Variants in MYT1L observed in about 807,000 individuals in gnomAD.
MYT1L encodes myelin transcription factor 1 like.
In MYT1L, 12 loss-of-function variants were observed where a neutral mutation model predicts 126.7. The ratio of observed to expected loss-of-function variants is 0.09; its 90% CI spans 0.06 to 0.15. The LOEUF (loss-of-function observed/expected upper bound fraction) is 0.15, where lower values mean the gene tolerates loss of function less well. MYT1L is among the 10% of genes least tolerant of loss of function. MYT1L has a pLI of 1.00. For missense variants in MYT1L, 979 were observed against 1,585.2 expected, an observed-to-expected ratio of 0.62 and a Z score of 6.49; for synonymous variants, 541 against 604.2, an observed-to-expected ratio of 0.90 and a Z score of 1.53.
At position 2,008,855 on chromosome 2, in the gene MYT1L, T is replaced by A. The variant is rs549016762; in HGVS notation, c.-157-11508A>T. On this transcript the variant is annotated intron_variant, in intron 4 of 24. Transcript: ENST00000647738. ...GCATCCATTTTGAGTTATTATTATTTTTTTTAATGTATAAGACAAGGATCC... is the reference window on the plus strand; with the variant it reads ...GCATCCATTTTGAGTTATTATTATTATTTTTAATGTATAAGACAAGGATCC... Among the ~76,000 whole-genome samples, 4 of 152,292 alleles carry A rather than the reference T, an allele frequency of 2.6e-5. No homozygotes were observed. The South Asian group carries it at 6.2e-4, about 24-fold the overall frequency.
chr2:2,222,666 A>G (rs17039400), intron 2 of MYT1L, among the ~76,000 whole-genome samples: 6,782 of 152,230 alleles, frequency 0.045, 167 homozygotes, highest in Middle Eastern at 0.099. Flanking sequence ...GCTAAGATGT[A>G]AGATGGACTC....
intron 1 of MYT1L, among the ~76,000 whole-genome samples, chr2:2,292,393 A>G (rs1367858811): frequency 1.3e-5 from 2 of 152,226 alleles, no homozygotes; most frequent in Non-Finnish European, 2.9e-5. Context: ...TGCACAAAAG[A>G]CTTACGGTTG....
rs539232901 is a variant in MYT1L, at chr2:1,968,291, G to A, written c.152+10874C>T. Among the ~76,000 whole-genome samples, 701 of 152,304 alleles carry A rather than the reference G, an allele frequency of 4.6e-3. 8 individuals carry two copies. The highest frequency in any genetic ancestry group is 0.016 in the African/African-American group (674 of 41,554). On this transcript the variant is annotated intron_variant, in intron 8 of 24. Coordinates refer to ENST00000647738, the MANE Select transcript of MYT1L (RefSeq NM_001303052.2). Reference sequence around the variant, plus strand: ...GCTTCCCTTCCTGGCTCCCCAGAGCGTCTGCACTTCATTCAGAAGCGTGAG... The same window carrying A: ...GCTTCCCTTCCTGGCTCCCCAGAGCATCTGCACTTCATTCAGAAGCGTGAG...
At chr2:1,915,526 G>T (rs1011078973) in intron 11 of MYT1L, among the ~76,000 whole-genome samples, 4 of 152,212 alleles carry the variant, frequency 2.6e-5, no homozygotes, top group African/African-American at 9.6e-5. Flanking sequence ...CTACCTTGAA[G>T]GTGAAAATGT....
At chr2:2,004,272 GGCGTTCTTTCCTGCA>G (rs2062836391) in intron 4 of MYT1L, among the ~76,000 whole-genome samples, 2 of 36,740 alleles carry the variant, frequency 5.4e-5, no homozygotes, top group African/African-American at 2.5e-4. Context: ...CTTTCCTGCA[GGCGTTCTTTCCTGCA>G]TGCGTTCTTT....
chr2:1,952,798 TCTC>T (rs2057943278), intron 8 of MYT1L, among the ~76,000 whole-genome samples: 1 of 64,396 alleles, frequency 1.6e-5, no homozygotes, highest in African/African-American at 7.3e-5. Context: ...CTTCCCTCCT[TCTC>T]TCCCTCCCTC....
intron 21 of MYT1L, among the ~76,000 whole-genome samples, chr2:1,822,333 T>A (rs1368461709): frequency 6.6e-6 from 1 of 152,246 alleles, no homozygotes; most frequent in African/African-American, 2.4e-5. Flanking sequence ...GATTTCAGTC[T>A]GCAGAGCTTG....
At chr2:2,006,657 C>A (rs559544598) in intron 4 of MYT1L, among the ~76,000 whole-genome samples, 65 of 152,162 alleles carry the variant, frequency 4.3e-4, no homozygotes, top group African/African-American at 1.5e-3. Context: ...CTCACTGCAA[C>A]CTCTGCCTCC....
At chr2:1,828,025 G>C (rs1033216019) in intron 21 of MYT1L, 2 of 152,238 alleles carry the variant, frequency 1.3e-5, no homozygotes, top group African/African-American at 4.8e-5. Flanking sequence ...AGCAGCCCTG[G>C]AGCAGCCCCA....
At chr2:2,147,478 A>T (rs1222556099) in intron 3 of MYT1L, among the ~76,000 whole-genome samples, 7 of 152,220 alleles carry the variant, frequency 4.6e-5, no homozygotes, top group African/African-American at 7.2e-5. Flanking sequence ...CCATTCGGCT[A>T]TGTCCCAAGC....
intron 21 of MYT1L, among the ~76,000 whole-genome samples, chr2:1,837,890 T>TC (rs34923951): frequency 2.4e-4 from 12 of 50,368 alleles, no homozygotes; most frequent in East Asian, 2.3e-3. Context: ...TCTCTCTCTC[T>TC]TTTTTTTTTT....
chr2:1,882,108 CTG>C (rs898977461), intron 18 of MYT1L, among the ~76,000 whole-genome samples: 35 of 152,328 alleles, frequency 2.3e-4, no homozygotes, highest in African/African-American at 7.9e-4. Context: ...AGGTGACAGT[CTG>C]TGCAGAAGCA....
chr2:2,186,640 C>G (rs544395899), intron 2 of MYT1L, among the ~76,000 whole-genome samples: 117 of 152,302 alleles, frequency 7.7e-4, no homozygotes, highest in African/African-American at 2.7e-3. Context: ...GCCACTCCCT[C>G]TAGTAAATAA....
chr2:1,839,075 C>T (rs1405050916), intron 21 of MYT1L, 74 bp downstream of exon 21: 27 of 1,335,230 alleles, frequency 2.0e-5, no homozygotes, highest in African/African-American at 1.0e-4. Context: ...CACCTGCTGC[C>T]GTCATAACCA....
Position 1,953,393 on chromosome 2 carries a change from T to C in MYT1L, c.153-10059A>G, listed in dbSNP as rs188563755. Among the ~76,000 whole-genome samples, 723 of 152,362 alleles carry C rather than the reference T, an allele frequency of 4.7e-3. 1 individual carries two copies. Among genetic ancestry groups the C allele is most frequent in the South Asian group, 7.0e-3 (34 of 4,834 alleles). Reference sequence around the variant, plus strand: ...CCATCATTCTCATCCCACAGCTCTATGCTCATTTATGATTCTTCTTGCTGG... The same window carrying C: ...CCATCATTCTCATCCCACAGCTCTACGCTCATTTATGATTCTTCTTGCTGG... On this transcript the variant is annotated intron_variant, in intron 8 of 24. Transcript: ENST00000647738.
At chr2:2,329,468 T>TTAAAG (rs142653945) in intron 1 of MYT1L, among the ~76,000 whole-genome samples, 33,793 of 151,894 alleles carry the variant, frequency 0.22, 4,243 homozygotes, top group South Asian at 0.42. Flanking sequence ...TTACTGATTC[T>TTAAAG]TATAGTCCTC....
chr2:2,034,146 C>T (rs541923630), intron 4 of MYT1L, among the ~76,000 whole-genome samples: 3 of 152,232 alleles, frequency 2.0e-5, no homozygotes, highest in African/African-American at 7.2e-5. Flanking sequence ...GTCGTAGGGA[C>T]ATTGAAGGGA....
chr2:2,129,228 GTGTCTCTAGTC>G (rs2147997134), intron 3 of MYT1L, among the ~76,000 whole-genome samples: 1 of 152,298 alleles, frequency 6.6e-6, no homozygotes, highest in East Asian at 1.9e-4. Flanking sequence ...ACAGTTTCAC[GTGTCTCTAGTC>G]TGTCTCCAGA....
chr2:1,791,851 T>A lies in MYT1L; in HGVS notation c.*16A>T, dbSNP rs1288612516. 1 of 1,539,478 alleles carries A rather than the reference T, an allele frequency of 6.5e-7. No homozygotes were observed. Among genetic ancestry groups the A allele is most frequent in the African/African-American group, 1.4e-5 (1 of 71,466 alleles). ...GCATCCTTTTTAAGCAAGAGTTTCA[T>A]CACTACAGCAGCTGTTCAGACCTGA... On this transcript the variant is annotated 3_prime_UTR_variant, in exon 25 of 25. Coordinates refer to ENST00000647738, the MANE Select transcript of MYT1L (RefSeq NM_001303052.2). This position sits in a 1 kb window ranked among gnomAD's most constrained non-coding sequence, Gnocchi z 6.0.
Sources: allele counts gnomAD v4.1 joint callset (sites outside exome capture counted in the v4.1 genomes callset), GRCh38; gene constraint gnomAD v4.1.1; non-coding constraint Gnocchi (gnomAD v3.1); transcripts MANE v1.5; gene names NCBI Gene and HGNC (gene_info 2026-07-23, HGNC 2026-07-21).